The following PNKD variants were observed in gnomAD, a reference collection of about 807,000 sequenced individuals.
The protein encoded by PNKD is probable thioesterase PNKD.
Under a neutral mutation model 45.3 loss-of-function variants are expected in PNKD, and 36 were observed. The observed-to-expected ratio is 0.80, with a 90% CI of 0.61 to 1.05. The LOEUF is 1.05. PNKD is among the 50% of genes least tolerant of loss of function. The pLI, the probability that PNKD is intolerant of heterozygous loss-of-function variation, is 0.00. For synonymous variants in PNKD, 197 were observed against 210.1 expected, an observed-to-expected ratio of 0.94 and a Z score of 0.54; for missense variants, 511 against 506.6, an observed-to-expected ratio of 1.01 and a Z score of -0.08.
intron 2 of PNKD, chr2:218,287,350 C>G (rs1692603046): frequency 6.6e-6 from 1 of 152,276 alleles, no homozygotes; most frequent in Admixed American, 6.5e-5. Flanking sequence ...CACACACCCT[C>G]TCCCAAGGAG....
rs34887009 is a variant in PNKD, at chr2:218,293,580, C to CTTTTTTTTTTTTT, written c.236+22041_236+22053dup. 2.0e-5 allele frequency among the ~76,000 whole-genome samples: 2 copies of CTTTTTTTTTTTTT among 98,678 alleles called. 1 individual carries two copies. The highest frequency in any genetic ancestry group is 3.8e-5 in the Non-Finnish European group (2 of 52,188). The allele number at this position is 98,678 out of a possible 152,430, so 64.7% of individuals were successfully genotyped here. A position where few individuals can be genotyped will look rare whatever the true frequency, so the allele number is the denominator to read the frequency against. The stretch of plus-strand genomic sequence containing the variant: ...CAGCACCACACCACCACTGAATGTC[C>CTTTTTTTTTTTTT]TTTTTTTTTTTTTTTTTTTTTTCCA... On this transcript the variant is annotated intron_variant, in intron 2 of 9. Transcript: ENST00000273077.
At position 218,271,372 on chromosome 2, in the gene PNKD, C is replaced by T; in HGVS notation, c.68-9C>T. The stretch of plus-strand genomic sequence containing the variant: ...TCTTCTTACTGACCTTCCTTACCTC[C>T]ATCCACAGGGATTCTCGCAGGAGCC... On this transcript the variant is annotated splice_polypyrimidine_tract_variant and intron_variant, in intron 1 of 9. Transcript: ENST00000273077. The T allele has an allele frequency of 6.2e-7, 1 of 1,613,656 alleles. No homozygotes were observed. The highest frequency in any genetic ancestry group is 8.5e-7 in the Non-Finnish European group (1 of 1,179,580).
chr2:218,313,903 C>CTTTTTT (rs10550174), intron 2 of PNKD, among the ~76,000 whole-genome samples: 15 of 77,686 alleles, frequency 1.9e-4, no homozygotes, highest in African/African-American at 3.1e-4. Flanking sequence ...TTCTTTATTT[C>CTTTTTT]TTTTTTTTTT....
chr2:218,270,876 T>C (rs940144350), intron 1 of PNKD: 2 of 392,364 alleles, frequency 5.1e-6, no homozygotes, highest in Non-Finnish European at 9.0e-6. Flanking sequence ...CTCACCGCAG[T>C]GCAGAGGAAA....
rs769001811 is a variant in PNKD, at chr2:218,318,950, C to CTTTTTTTTTTTTTTTTTTTT, written c.237-20830_237-20811dup. On this transcript the variant is annotated intron_variant, in intron 2 of 9. Transcript: ENST00000273077. ...GCACAAATCTTTTCTTTTTTTTTTT[C>CTTTTTTTTTTTTTTTTTTTT]TTTTTTTTTTTTTTTTTTTTTTGAG... Among the ~76,000 whole-genome samples, 56 of 99,894 alleles carry CTTTTTTTTTTTTTTTTTTTT rather than the reference C, an allele frequency of 5.6e-4. 2 individuals are homozygous for CTTTTTTTTTTTTTTTTTTTT. Among genetic ancestry groups the CTTTTTTTTTTTTTTTTTTTT allele is most frequent in the Admixed American group, 8.0e-4 (7 of 8,794 alleles). The allele number at this position is 99,894 out of a possible 152,430, so 65.5% of individuals were successfully genotyped here.
chr2:218,312,885 C>CA (rs971149836), intron 2 of PNKD, among the ~76,000 whole-genome samples: 1 of 151,330 alleles, frequency 6.6e-6, no homozygotes, highest in African/African-American at 2.4e-5. Flanking sequence ...AAAAAACAAA[C>CA]AAAAAAACCC....
chr2:218,277,771 C>G, intron 2 of PNKD: 3 of 1,557,014 alleles, frequency 1.9e-6, no homozygotes, highest in Non-Finnish European at 2.7e-6. Context: ...TGGGGAACGC[C>G]ACCAAGTTGG....
At chr2:218,275,410 A>G in intron 2 of PNKD, 1 of 1,555,714 alleles carries the variant, frequency 6.4e-7, no homozygotes, top group East Asian at 2.3e-5. Flanking sequence ...GACCACAGTC[A>G]TAGGGCCCAG....
chr2:218,340,898 C>T lies in PNKD; in HGVS notation c.524+112C>T, dbSNP rs1349572042. 5 of 870,210 alleles carry T rather than the reference C, an allele frequency of 5.7e-6. No homozygotes were observed. Among genetic ancestry groups the T allele is most frequent in the Non-Finnish European group, 9.8e-6 (5 of 509,504 alleles). The allele number at this position is 870,210 out of a possible 1,614,324, so 53.9% of individuals were successfully genotyped here. A position where few individuals can be genotyped will look rare whatever the true frequency, so the allele number is the denominator to read the frequency against. On this transcript the variant is annotated intron_variant, in intron 5 of 9. Transcript: ENST00000273077. The surrounding 1 kb of genome is among the most constrained non-coding windows in gnomAD (Gnocchi z 4.2). ...ATCAAGAAGTCAGTACGGGCCGGCA[C>T]CCGCCTTCCTCGTGAAGTCACCTGG...
rs982273567 is a variant in PNKD at position 218,314,456 on chromosome 2, C to T, written c.237-25327C>T. Among the ~76,000 whole-genome samples the T allele has an allele frequency of 2.5e-4, 38 of 151,794 alleles. 1 individual carries two copies. The highest frequency in any genetic ancestry group is 2.5e-3 in the Admixed American group (38 of 15,228). ...CAGGCTGGTCTGGAACTCCTGGGCT[C>T]AAGCGATCCTCCCACCTTGGCCTCC... On this transcript the variant is annotated intron_variant, in intron 2 of 9. Coordinates refer to ENST00000273077, the MANE Select transcript of PNKD (RefSeq NM_015488.5).
At chr2:218,334,202 C>T (rs146995936) in intron 2 of PNKD, among the ~76,000 whole-genome samples, 98 of 152,144 alleles carry the variant, frequency 6.4e-4, no homozygotes, top group Middle Eastern at 3.4e-3. Context: ...GCCTCTCGCC[C>T]CTGAATACTA....
chr2:218,293,036 A>G (rs1456849890), intron 2 of PNKD, among the ~76,000 whole-genome samples: 1 of 152,242 alleles, frequency 6.6e-6, no homozygotes, highest in Non-Finnish European at 1.5e-5. Context: ...CATTACAAAT[A>G]AATCAGTAAT....
At chr2:218,332,582 G>A (rs1442102648) in intron 2 of PNKD, among the ~76,000 whole-genome samples, 1 of 151,806 alleles carries the variant, frequency 6.6e-6, no homozygotes, top group Non-Finnish European at 1.5e-5. Flanking sequence ...CTCCTGCTTT[G>A]CCCAAAGATC....
intron 2 of PNKD, chr2:218,327,840 C>T (rs113223487): frequency 0.012 from 1,904 of 153,012 alleles, 40 homozygotes; most frequent in African/African-American, 0.039. Flanking sequence ...CTTCTCCCTG[C>T]CTCCACTGCC....
At chr2:218,312,476 G>A (rs1222571727) in intron 2 of PNKD, among the ~76,000 whole-genome samples, 2 of 151,668 alleles carry the variant, frequency 1.3e-5, no homozygotes, top group Non-Finnish European at 2.9e-5. Context: ...CTATTCAGAG[G>A]AGAGTGGGCA....
intron 2 of PNKD, chr2:218,279,877 G>GC: frequency 1.5e-6 from 1 of 654,814 alleles, no homozygotes; most frequent in Non-Finnish European, 2.7e-6. Flanking sequence ...GAAGCCAGGT[G>GC]CCCCTCTGAG....
intron 2 of PNKD, among the ~76,000 whole-genome samples, chr2:218,282,735 C>A (rs568354060): frequency 6.6e-6 from 1 of 152,166 alleles, no homozygotes; most frequent in African/African-American, 2.4e-5. Context: ...AGTGCCAGAG[C>A]TGCCAGGCCC....
chr2:218,270,530 C>G lies in PNKD; in HGVS notation c.-6C>G, dbSNP rs1690786309. The G allele has an allele frequency of 2.4e-6, 3 of 1,227,094 alleles. No individual in the cohort carries two copies. The highest frequency in any genetic ancestry group is 3.1e-5 in the African/African-American group (2 of 64,014). The allele number at this position is 1,227,094 out of a possible 1,614,324, so 76.0% of individuals were successfully genotyped here. A position where few individuals can be genotyped will look rare whatever the true frequency, so the allele number is the denominator to read the frequency against. On this transcript the variant is annotated 5_prime_UTR_variant, in exon 1 of 10. In the 5' UTR this introduces an upstream ATG that the reference lacks. Transcript: ENST00000273077. ...GAGCGCGGTGAAGCGGGGGTGGGAT[C>G]TGAACATGGCGGCGGTGGTAGCTGC...
chr2:218,314,250 G>A (rs1477920574), intron 2 of PNKD, among the ~76,000 whole-genome samples: 3 of 89,342 alleles, frequency 3.4e-5, no homozygotes, highest in African/African-American at 7.6e-5. Flanking sequence ...TTTTGAGACA[G>A]AGTCTCTGTC....
Sources: allele counts gnomAD v4.1 joint callset (sites outside exome capture counted in the v4.1 genomes callset), GRCh38; gene constraint gnomAD v4.1.1; non-coding constraint Gnocchi (gnomAD v3.1); transcripts MANE v1.5; gene names NCBI Gene and HGNC (gene_info 2026-07-23, HGNC 2026-07-21).